The following RCAN2 variants were observed in gnomAD, a reference collection of about 807,000 sequenced individuals.
The protein encoded by RCAN2 is regulator of calcineurin 2, also known as calcipressin-2.
RCAN2 carries 9 observed loss-of-function variants against 23.6 expected under a neutral mutation model. The observed-to-expected ratio is 0.38, with a 90% confidence interval of 0.23 to 0.67. The LOEUF (loss-of-function observed/expected upper bound fraction) is 0.67, where lower values mean the gene tolerates loss of function less well. Ranked by LOEUF, RCAN2 falls within the 30% of genes least tolerant of loss-of-function variation. The probability of loss-of-function intolerance (pLI) is 0.51; values close to 1 mark genes in which losing one functional copy is unlikely to be tolerated. For synonymous variants in RCAN2, 109 were observed against 115.7 expected (o/e 0.94, Z 0.37); for missense variants, 273 against 302.3 (o/e 0.90, Z 0.72).
At chr6:46,232,289 C>T (rs1473811319) in intron 4 of RCAN2, among the ~76,000 whole-genome samples, 2 of 152,236 alleles carry the variant, frequency 1.3e-5, no homozygotes. Context: ...TGTGTGGGTT[C>T]TGTTCTCTCT....
intron 2 of RCAN2, among the ~76,000 whole-genome samples, chr6:46,343,495 C>T (rs565275793): frequency 6.6e-6 from 1 of 151,710 alleles, no homozygotes; most frequent in East Asian, 1.9e-4. Flanking sequence ...CCTGCCTCAG[C>T]CTCCTGAGTA....
At position 46,250,092 on chromosome 6, in the gene RCAN2, A is replaced by G. The variant is rs569086270; in HGVS notation, c.226-1196T>C. Among the ~76,000 whole-genome samples, 7 of 152,340 alleles carry G rather than the reference A, an allele frequency of 4.6e-5. 1 individual carries two copies. The South Asian group carries it at 1.4e-3, about 32-fold the overall frequency. On this transcript the variant is annotated intron_variant, in intron 2 of 4. Transcript: ENST00000371374. ...CTTTGTATGAGGCATGGTCTCTCTC[A>G]AGACTTTAAGAGGATACAGAGATGA... is the stretch of plus-strand genomic sequence containing the variant.
At chr6:46,241,669 G>T (rs1414276245) in intron 4 of RCAN2, among the ~76,000 whole-genome samples, 1 of 152,194 alleles carries the variant, frequency 6.6e-6, no homozygotes, top group Non-Finnish European at 1.5e-5. Flanking sequence ...CAGGGCAAGG[G>T]TGCTGGCTCA....
chr6:46,246,711 A>T (rs905277474), intron 4 of RCAN2, 37 bp downstream of exon 4: 3 of 1,597,950 alleles, frequency 1.9e-6, no homozygotes, highest in Admixed American at 3.4e-5. Flanking sequence ...TAGGTTGCTG[A>T]CAAACGTTTA....
chr6:46,459,387 A>G (rs1051561046), intron 1 of RCAN2, among the ~76,000 whole-genome samples: 1 of 152,240 alleles, frequency 6.6e-6, no homozygotes, highest in Non-Finnish European at 1.5e-5. Context: ...AAAATCTAAA[A>G]TCCATTGCCG....
intron 2 of RCAN2, among the ~76,000 whole-genome samples, chr6:46,408,094 G>A (rs1011448199): frequency 4.6e-5 from 7 of 152,144 alleles, no homozygotes; most frequent in African/African-American, 1.7e-4. Context: ...GGATTTTCTG[G>A]TCAGAGTCCT....
intron 2 of RCAN2, among the ~76,000 whole-genome samples, chr6:46,378,980 C>G (rs1399459534): frequency 1.3e-5 from 2 of 152,188 alleles, no homozygotes; most frequent in East Asian, 3.8e-4. Context: ...TGAATAGGAA[C>G]AGTGGCCTAT....
At chr6:46,418,308 A>T (rs1338577094) in intron 2 of RCAN2, among the ~76,000 whole-genome samples, 1 of 152,184 alleles carries the variant, frequency 6.6e-6, no homozygotes, top group East Asian at 1.9e-4. Context: ...AATAATAAAC[A>T]CTTCAAATAT....
At chr6:46,402,966 AT>A (rs58163048) in intron 2 of RCAN2, among the ~76,000 whole-genome samples, 13,839 of 143,136 alleles carry the variant, frequency 0.097, 1,959 homozygotes, top group African/African-American at 0.32. Flanking sequence ...CTACATTTGA[AT>A]TTTTTTTTTT....
chr6:46,260,377 G>A (rs769641576), intron 2 of RCAN2, among the ~76,000 whole-genome samples: 5 of 152,108 alleles, frequency 3.3e-5, no homozygotes, highest in Admixed American at 6.6e-5. Flanking sequence ...ACTTGAATCC[G>A]CAAAGTTTAA....
At chr6:46,280,271 A>G (rs1401565834) in intron 2 of RCAN2, among the ~76,000 whole-genome samples, 1 of 152,200 alleles carries the variant, frequency 6.6e-6, no homozygotes, top group Non-Finnish European at 1.5e-5. Flanking sequence ...GGAGCATTTA[A>G]AGGTATAGAA....
chr6:46,267,597 A>G (rs1013737448), intron 2 of RCAN2, among the ~76,000 whole-genome samples: 1 of 152,156 alleles, frequency 6.6e-6, no homozygotes, highest in Admixed American at 6.5e-5. Context: ...AGGTGGGAGG[A>G]TCATTTGAGC....
Position 46,453,375 on chromosome 6 carries a change from G to A in RCAN2, c.225+3377C>T, listed in dbSNP as rs539861550. 8.5e-5 allele frequency among the ~76,000 whole-genome samples: 13 copies of A among 152,242 alleles called. No individual in the cohort carries two copies. In the South Asian group the frequency reaches 2.1e-3, roughly 24 times the overall value. ...TATATAAACAAATCTCAACCATCTG[G>A]ACCACAACAAGCCTCACTGAAGTAT... On this transcript the variant is annotated intron_variant, in intron 2 of 4. Transcript: ENST00000371374.
chr6:46,312,773 C>T (rs944570376), intron 2 of RCAN2, among the ~76,000 whole-genome samples: 3 of 152,246 alleles, frequency 2.0e-5, no homozygotes, highest in Admixed American at 2.0e-4. Context: ...TGCAGTTTCA[C>T]AAGCCCTCAT....
At chr6:46,399,073 A>G (rs1766173914) in intron 2 of RCAN2, among the ~76,000 whole-genome samples, 1 of 152,120 alleles carries the variant, frequency 6.6e-6, no homozygotes, top group Non-Finnish European at 1.5e-5. Flanking sequence ...ACATTCCTCA[A>G]GTCTGAGAAA....
At chr6:46,227,538 A>G (rs575808493) in intron 4 of RCAN2, among the ~76,000 whole-genome samples, 193 of 151,902 alleles carry the variant, frequency 1.3e-3, no homozygotes, top group Admixed American at 4.1e-3. Flanking sequence ...CCAGGAATTT[A>G]TCCATATCTT....
intron 2 of RCAN2, among the ~76,000 whole-genome samples, chr6:46,428,093 C>T (rs1331122035): frequency 1.3e-5 from 2 of 152,128 alleles, no homozygotes; most frequent in East Asian, 3.9e-4. Flanking sequence ...TCTGTTAGGG[C>T]TAAGCTAGGA....
intron 2 of RCAN2, among the ~76,000 whole-genome samples, chr6:46,401,016 A>G (rs554787060): frequency 1.3e-5 from 2 of 152,332 alleles, no homozygotes; most frequent in East Asian, 3.9e-4. Flanking sequence ...TAAGTTTCCC[A>G]GTGATTCTTA....
At chr6:46,249,721 C>T (rs1410725136) in intron 2 of RCAN2, among the ~76,000 whole-genome samples, 3 of 152,204 alleles carry the variant, frequency 2.0e-5, no homozygotes, top group South Asian at 2.1e-4. Context: ...CAATGAAATA[C>T]GTGTAGAGTG....
Sources: allele counts gnomAD v4.1 joint callset (sites outside exome capture counted in the v4.1 genomes callset), GRCh38; gene constraint gnomAD v4.1.1; transcripts MANE v1.5; gene names NCBI Gene and HGNC (gene_info 2026-07-23, HGNC 2026-07-21).